SLC30A8: variants seen among roughly 807,000 people sequenced by gnomAD.
SLC30A8 encodes proton-coupled zinc antiporter SLC30A8.
SLC30A8 carries 27 observed loss-of-function variants against 36.9 expected under a neutral mutation model. That is an observed-to-expected ratio of 0.73 (90% CI 0.54 to 1.01). The LOEUF is 1.01. SLC30A8 is among the 50% of genes least tolerant of loss of function. SLC30A8 has a pLI of 0.00. For missense variants in SLC30A8, 439 were observed against 452.0 expected (o/e 0.97, Z 0.26); for synonymous variants, 164 against 172.4 (o/e 0.95, Z 0.38).
At chr8:117,099,272 C>T (rs1819607313) in intron 2 of SLC30A8, among the ~76,000 whole-genome samples, 2 of 152,096 alleles carry the variant, frequency 1.3e-5, no homozygotes, top group East Asian at 1.9e-4. Context: ...CCTTTTCTCC[C>T]TCCCACCCAA....
chr8:117,140,284 T>C (rs1189713856), intron 1 of SLC30A8, among the ~76,000 whole-genome samples: 1 of 151,972 alleles, frequency 6.6e-6, no homozygotes, highest in Non-Finnish European at 1.5e-5. Context: ...CATTAACATA[T>C]TCATAATAAG....
At chr8:117,030,472 G>C (rs1378567870) in intron 1 of SLC30A8, among the ~76,000 whole-genome samples, 1 of 152,024 alleles carries the variant, frequency 6.6e-6, no homozygotes, top group Non-Finnish European at 1.5e-5. Flanking sequence ...GTTCTTACCA[G>C]TTCTTTTTTT....
intron 1 of SLC30A8, among the ~76,000 whole-genome samples, chr8:116,951,524 T>C (rs1306575963): frequency 3.3e-5 from 5 of 152,036 alleles, no homozygotes. Flanking sequence ...TTTACTCCCT[T>C]AGCACTCAAG....
intron 2 of SLC30A8, among the ~76,000 whole-genome samples, chr8:117,106,403 C>T (rs765269394): frequency 1.3e-5 from 2 of 152,148 alleles, no homozygotes; most frequent in Non-Finnish European, 2.9e-5. Flanking sequence ...GCAGAAACCA[C>T]AATTATGTTT....
intron 1 of SLC30A8, among the ~76,000 whole-genome samples, chr8:116,992,611 C>T (rs946532141): frequency 1.3e-5 from 2 of 152,088 alleles, no homozygotes; most frequent in Admixed American, 6.6e-5. Flanking sequence ...GTAGGTCCAG[C>T]AGTTTGTATG....
chr8:117,122,915 C>T (rs1415785434), intron 2 of SLC30A8, among the ~76,000 whole-genome samples: 1 of 151,900 alleles, frequency 6.6e-6, no homozygotes, highest in Non-Finnish European at 1.5e-5. Flanking sequence ...CATGATGGAG[C>T]TTGTGATGGT....
intron 1 of SLC30A8, among the ~76,000 whole-genome samples, chr8:116,954,650 C>T (rs2130576069): frequency 6.6e-6 from 1 of 152,194 alleles, no homozygotes; most frequent in South Asian, 2.1e-4. Context: ...AAGGAGTAAG[C>T]AGGAGATGCG....
intron 1 of SLC30A8, among the ~76,000 whole-genome samples, chr8:117,138,079 AAG>A (rs1354058081): frequency 8.4e-4 from 124 of 147,480 alleles, no homozygotes; most frequent in African/African-American, 3.1e-3. Flanking sequence ...AAAAAAAAAA[AAG>A]AAAAAGAAAA....
chr8:117,113,411 C>T (rs911769824), intron 2 of SLC30A8, among the ~76,000 whole-genome samples: 3 of 152,080 alleles, frequency 2.0e-5, no homozygotes, highest in Non-Finnish European at 4.4e-5. Context: ...ATTTGCCCTT[C>T]CTCCCTCATG....
chr8:117,087,818 A>G (rs781703315), intron 2 of SLC30A8, among the ~76,000 whole-genome samples: 1 of 152,106 alleles, frequency 6.6e-6, no homozygotes, highest in African/African-American at 2.4e-5. Context: ...TTCCAGGTCT[A>G]AAAAGTTTTT....
At chr8:117,031,910 G>A (rs756523291) in intron 1 of SLC30A8, among the ~76,000 whole-genome samples, 3 of 152,084 alleles carry the variant, frequency 2.0e-5, no homozygotes, top group Non-Finnish European at 4.4e-5. Flanking sequence ...GTCAAATGCT[G>A]GCAGAAATCC....
At chr8:117,152,702 A>C (rs2130984436) in intron 2 of SLC30A8, among the ~76,000 whole-genome samples, 1 of 152,256 alleles carries the variant, frequency 6.6e-6, no homozygotes, top group Admixed American at 6.5e-5. Context: ...CCTGCCCCAC[A>C]CTTTCTAGTC....
At chr8:117,012,724 TACACACACACACACAC>T (rs376889831) in intron 1 of SLC30A8, among the ~76,000 whole-genome samples, 1 of 126,276 alleles carries the variant, frequency 7.9e-6, no homozygotes, top group Non-Finnish European at 1.7e-5. Flanking sequence ...GACATATGTA[TACACACACACACACAC>T]ACACACACAC....
At chr8:117,058,809 C>G (rs780897838) in intron 2 of SLC30A8, among the ~76,000 whole-genome samples, 18 of 152,136 alleles carry the variant, frequency 1.2e-4, no homozygotes, top group Non-Finnish European at 2.4e-4. Flanking sequence ...TTGGAATCCA[C>G]ACACACACCC....
chr8:117,143,443 T>G (rs1821751250), intron 1 of SLC30A8, among the ~76,000 whole-genome samples: 1 of 152,188 alleles, frequency 6.6e-6, no homozygotes, highest in Admixed American at 6.5e-5. Flanking sequence ...CAGTGTTTGT[T>G]GCATCATAGC....
Position 117,135,382 on chromosome 8 carries a change from G to A in SLC30A8, c.55G>A (p.Ala19Thr). The A allele has an allele frequency of 1.3e-6, 2 of 1,599,168 alleles. No individual in the cohort carries two copies. The highest frequency in any genetic ancestry group is 2.3e-5 in the South Asian group (2 of 88,114). Reference sequence around the variant, plus strand: ...GAATGATAAAGCTGCCAAGATGTATGCTTTCACACTAGAAAGGTAATAGAT... The same window carrying A: ...GAATGATAAAGCTGCCAAGATGTATACTTTCACACTAGAAAGGTAATAGAT... ...LVNDKAAKMYAFTLESVELQQ... is the reference protein window; with the variant it reads ...LVNDKAAKMYTFTLESVELQQ... Residue 19 changes from alanine (A) to threonine (T), a missense_variant, in exon 1 of 8, where the codon GCT becomes ACT. By Grantham distance (58) the Ala-to-Thr change is moderately conservative (BLOSUM62 0). Coordinates refer to ENST00000456015, the MANE Select transcript of SLC30A8 (RefSeq NM_173851.3).
intron 2 of SLC30A8, among the ~76,000 whole-genome samples, chr8:117,091,671 A>G (rs956368400): frequency 1.1e-4 from 17 of 152,156 alleles, no homozygotes; most frequent in Non-Finnish European, 1.5e-5. Flanking sequence ...AGATGAATAA[A>G]AACTGGCCTC....
chr8:117,024,389 A>G (rs1478830019), intron 1 of SLC30A8, among the ~76,000 whole-genome samples: 2 of 152,156 alleles, frequency 1.3e-5, no homozygotes, highest in Admixed American at 1.3e-4. Flanking sequence ...AAGAGGTCCT[A>G]TTGCAAATTC....
intron 1 of SLC30A8, among the ~76,000 whole-genome samples, chr8:116,977,141 CTTTTTTTTTT>C (rs71305451): frequency 1.7e-5 from 1 of 59,094 alleles, no homozygotes; most frequent in Non-Finnish European, 2.8e-5. Context: ...CTTTTTCTTG[CTTTTTTTTTT>C]TTTTTTTTTT....
Sources: allele counts gnomAD v4.1 joint callset (sites outside exome capture counted in the v4.1 genomes callset), GRCh38; gene constraint gnomAD v4.1.1; transcripts MANE v1.5; gene names NCBI Gene and HGNC (gene_info 2026-07-23, HGNC 2026-07-21).